Variants in KIF20B observed in about 807,000 individuals in gnomAD.
KIF20B encodes the protein kinesin-like protein KIF20B.
A neutral mutation model predicts 232.5 loss-of-function variants in KIF20B; 188 were observed. The ratio of observed to expected loss-of-function variants is 0.81; its 90% CI spans 0.72 to 0.91. The LOEUF (loss-of-function observed/expected upper bound fraction) is 0.91, where lower values mean the gene tolerates loss of function less well. KIF20B is among the 40% of genes least tolerant of loss of function. The pLI, the probability that KIF20B is intolerant of heterozygous loss-of-function variation, is 0.00. For synonymous variants in KIF20B, 712 were observed against 683.0 expected, an observed-to-expected ratio of 1.04 and a Z score of -0.66; for missense variants, 2,154 against 2,055.9, an observed-to-expected ratio of 1.05 and a Z score of -0.92.
At position 89,711,059 on chromosome 10, in the gene KIF20B, A is replaced by C; in HGVS notation, c.589A>C (p.Arg197=). ...TACAAAGATGAACCTTAAACCACAT[A>C]GATCCAGAGAATACTTAAGGTTATC... ...LYTKMNLKPH[R]SREYLRLSSE... Residue 197 remains arginine (R), a synonymous_variant, in exon 6 of 33, where the codon AGA becomes CGA. Coordinates refer to ENST00000371728, the MANE Select transcript of KIF20B (RefSeq NM_001284259.2). 3 of 1,607,996 alleles carry C rather than the reference A, an allele frequency of 1.9e-6. No homozygotes were observed. Among genetic ancestry groups the C allele is most frequent in the Non-Finnish European group, 2.6e-6 (3 of 1,176,206 alleles).
chr10:89,714,144 C>A, intron 7 of KIF20B, 61 bp downstream of exon 7: 3 of 968,812 alleles, frequency 3.1e-6, no homozygotes, highest in Non-Finnish European at 4.4e-6. Context: ...ACTTGAAAAG[C>A]TTTTAATTTT....
intron 16 of KIF20B, among the ~76,000 whole-genome samples, chr10:89,727,224 C>A (rs1843209316): frequency 6.6e-6 from 1 of 151,052 alleles, no homozygotes; most frequent in Non-Finnish European, 1.5e-5. Context: ...TTCATTCTAA[C>A]TAGGAGGGCA....
chr10:89,743,108 A>G (rs1460983504), intron 21 of KIF20B, among the ~76,000 whole-genome samples: 1 of 152,220 alleles, frequency 6.6e-6, no homozygotes, highest in Admixed American at 6.5e-5. Context: ...ACAAGGGAAT[A>G]GAAGAGAAGG....
Position 89,773,986 on chromosome 10 carries a change from A to C in KIF20B, c.5401A>C (p.Lys1801Gln). 1 of 1,568,082 alleles carries C rather than the reference A, an allele frequency of 6.4e-7. No homozygotes were observed. The highest frequency in any genetic ancestry group is 8.7e-7 in the Non-Finnish European group (1 of 1,155,696). The part of the protein sequence containing the change: ...ISGQVILMDQ[K>Q]MKESDHQIIK... Reference sequence around the variant, plus strand: ...TTAATTTCAGATTTTAATGGACCAGAAAATGAAGGAGAGTGATCACCAGAT... The same window carrying C: ...TTAATTTCAGATTTTAATGGACCAGCAAATGAAGGAGAGTGATCACCAGAT... The change falls in exon 33 of 33, where the codon AAA becomes CAA. Residue 1801 changes from lysine to glutamine, a missense_variant. Lys to Gln is a moderately conservative substitution (Grantham distance 53). Transcript: ENST00000371728.
intron 26 of KIF20B, among the ~76,000 whole-genome samples, chr10:89,755,557 C>T (rs1449151583): frequency 3.3e-5 from 5 of 150,762 alleles, no homozygotes; most frequent in East Asian, 2.0e-4. Context: ...TTCCCTTCCC[C>T]GTGCCCATCC....
At chr10:89,728,932 T>C (rs1843254359) in intron 17 of KIF20B, among the ~76,000 whole-genome samples, 196 bp from the exon 18 acceptor site, 1 of 137,560 alleles carries the variant, frequency 7.3e-6, no homozygotes, top group Non-Finnish European at 1.5e-5. Context: ...TGTGTGTGTG[T>C]GTGTGTGTGT....
intron 14 of KIF20B, among the ~76,000 whole-genome samples, chr10:89,724,654 T>C (rs1843141390): frequency 6.6e-6 from 1 of 152,170 alleles, no homozygotes; most frequent in Non-Finnish European, 1.5e-5. Context: ...CAGGCTGGTA[T>C]TGAGTGGTGC....
Position 89,726,152 on chromosome 10 carries a change from G to A in KIF20B, c.2002-141G>A, listed in dbSNP as rs1222415803. On this transcript the variant is annotated intron_variant, in intron 15 of 32. Coordinates refer to ENST00000371728, the MANE Select transcript of KIF20B (RefSeq NM_001284259.2). Reference sequence around the variant, plus strand: ...GGAACACAGGTTTTTCATAATTGGAGTTGCTTCTATATAATTTATTTTAAA... The same window carrying A: ...GGAACACAGGTTTTTCATAATTGGAATTGCTTCTATATAATTTATTTTAAA... The A allele has an allele frequency of 2.7e-6, 3 of 1,111,486 alleles. No homozygotes were observed. In the African/African-American group the frequency reaches 4.8e-5, roughly 18 times the overall value. The allele number at this position is 1,111,486 out of a possible 1,614,324, so 68.9% of individuals were successfully genotyped here. A position where few individuals can be genotyped will look rare whatever the true frequency, so the allele number is the denominator to read the frequency against.
At chr10:89,709,540 T>TAA in intron 4 of KIF20B, 79 bp downstream of exon 4, 1 of 877,214 alleles carries the variant, frequency 1.1e-6, no homozygotes, top group Non-Finnish European at 1.9e-6. Flanking sequence ...TAATTGTATA[T>TAA]AATGAACTAT....
At chr10:89,733,567 A>G (rs1031099051) in intron 19 of KIF20B, among the ~76,000 whole-genome samples, 1 of 152,188 alleles carries the variant, frequency 6.6e-6, no homozygotes, top group Non-Finnish European at 1.5e-5. Flanking sequence ...TAACTGGGCA[A>G]GTTTGTTGTA....
chr10:89,749,246 C>T (rs1040058113), intron 23 of KIF20B, among the ~76,000 whole-genome samples: 3 of 152,046 alleles, frequency 2.0e-5, no homozygotes, highest in Non-Finnish European at 4.4e-5. Flanking sequence ...GAGACATTTC[C>T]CTACAAATAG....
At chr10:89,723,897 G>A (rs1843119402) in intron 13 of KIF20B, 67 bp from the exon 14 acceptor site, 4 of 1,209,772 alleles carry the variant, frequency 3.3e-6, no homozygotes, top group Non-Finnish European at 4.4e-6. Context: ...TTTTTGAACA[G>A]TTGGACGGTA....
chr10:89,751,150 T>C (rs546660358), intron 23 of KIF20B, among the ~76,000 whole-genome samples, 196 bp from the exon 24 acceptor site: 10 of 152,248 alleles, frequency 6.6e-5, no homozygotes, highest in African/African-American at 2.4e-4. Context: ...ACACCAAATA[T>C]ATATTTAGTA....
chr10:89,737,951 A>G lies in KIF20B; in HGVS notation c.3110A>G (p.Lys1037Arg). The change falls in exon 20 of 33, where the codon AAG becomes AGG. Residue 1037 changes from lysine to arginine, a missense_variant. By Grantham distance (26) the Lys-to-Arg change is conservative. Coordinates refer to ENST00000371728, the MANE Select transcript of KIF20B (RefSeq NM_001284259.2). Reference sequence around the variant, plus strand: ...TTAGGTAATGATTATTTGGTAAGTAAGCAAGTTAAAGAATATCGAATTCAA... The same window carrying G: ...TTAGGTAATGATTATTTGGTAAGTAGGCAAGTTAAAGAATATCGAATTCAA... ...DLLGNDYLVS[K>R]QVKEYRIQEP... 1 of 1,613,352 alleles carries G rather than the reference A, an allele frequency of 6.2e-7. No individual in the cohort carries two copies. The highest frequency in any genetic ancestry group is 1.1e-5 in the South Asian group (1 of 90,946).
intron 22 of KIF20B, 123 bp downstream of exon 22, chr10:89,744,050 A>C (rs1368764032): frequency 9.6e-6 from 7 of 729,222 alleles, no homozygotes; most frequent in Non-Finnish European, 1.5e-5. Flanking sequence ...TCTAGAAATA[A>C]ATTATTTAAA....
At chr10:89,754,785 C>A in intron 26 of KIF20B, 112 bp downstream of exon 26, 2 of 721,140 alleles carry the variant, frequency 2.8e-6, no homozygotes, top group Non-Finnish European at 4.2e-6. Flanking sequence ...TTTTTAAAGG[C>A]AGGTTGTCAT....
intron 13 of KIF20B, among the ~76,000 whole-genome samples, chr10:89,723,231 T>G (rs1843105218): frequency 6.6e-6 from 1 of 152,244 alleles, no homozygotes; most frequent in South Asian, 2.1e-4. Flanking sequence ...GTTTATTGTT[T>G]AATTTGTTGT....
intron 20 of KIF20B, 47 bp downstream of exon 20, chr10:89,738,664 A>T: frequency 6.7e-7 from 1 of 1,497,796 alleles, no homozygotes; most frequent in South Asian, 1.4e-5. Flanking sequence ...CAAAGCATTC[A>T]TTTTGCTATG....
chr10:89,723,575 A>T (rs1843113886), intron 13 of KIF20B: 1 of 153,844 alleles, frequency 6.5e-6, no homozygotes, highest in South Asian at 2.1e-4. Context: ...TTTACCAGAG[A>T]TCTGATCCTT....
Sources: gnomAD v4.1 joint callset for allele counts (sites outside exome capture counted in the v4.1 genomes callset) on GRCh38, gnomAD v4.1.1 for gene constraint, MANE v1.5 for transcripts, NCBI Gene and HGNC (gene_info 2026-07-23, HGNC 2026-07-21) for gene names.